PALM2AKAP2: variants seen among roughly 807,000 people sequenced by gnomAD.
PALM2AKAP2 encodes PALM2 and AKAP2 fusion.
PALM2AKAP2 carries 37 observed loss-of-function variants against 71.5 expected under a neutral mutation model. The ratio of observed to expected loss-of-function variants is 0.52; its 90% CI spans 0.40 to 0.68. PALM2AKAP2 has a LOEUF of 0.68. Ranked by LOEUF, PALM2AKAP2 falls within the 30% of genes least tolerant of loss-of-function variation. The pLI, the probability that PALM2AKAP2 is intolerant of heterozygous loss-of-function variation, is 0.00. For missense variants in PALM2AKAP2, 1,224 were observed against 1,191.8 expected (o/e 1.03, Z -0.40); for synonymous variants, 468 against 478.8 (o/e 0.98, Z 0.29).
chr9:109,955,516 A>C (rs1831730212), intron 6 of PALM2AKAP2, among the ~76,000 whole-genome samples: 1 of 152,236 alleles, frequency 6.6e-6, no homozygotes, highest in Admixed American at 6.5e-5. Context: ...CTTAGCAAAA[A>C]TAACAAGAGG....
intron 1 of PALM2AKAP2, among the ~76,000 whole-genome samples, chr9:109,773,999 A>G (rs541135494): frequency 6.6e-6 from 1 of 152,338 alleles, no homozygotes; most frequent in African/African-American, 2.4e-5. Flanking sequence ...TTCATTCCCC[A>G]GCCAGCAGGG....
At chr9:109,837,958 T>C (rs1377339722) in intron 1 of PALM2AKAP2, among the ~76,000 whole-genome samples, 1 of 152,062 alleles carries the variant, frequency 6.6e-6, no homozygotes, top group East Asian at 1.9e-4. Context: ...CTATCAACAT[T>C]AGACAGATAA....
chr9:110,032,060 G>GAAA (rs560993508), intron 7 of PALM2AKAP2, among the ~76,000 whole-genome samples: 9 of 119,372 alleles, frequency 7.5e-5, no homozygotes, highest in South Asian at 2.8e-4. Flanking sequence ...AGCTTACGGG[G>GAAA]AAAAAAAAAA....
intron 3 of PALM2AKAP2, among the ~76,000 whole-genome samples, chr9:110,168,084 G>A (rs1836779357): frequency 6.6e-6 from 1 of 152,160 alleles, no homozygotes. Context: ...CTGCGTGTAG[G>A]GATCTGCTTT....
chr9:109,822,624 T>G (rs1828039825), intron 1 of PALM2AKAP2, among the ~76,000 whole-genome samples: 1 of 152,158 alleles, frequency 6.6e-6, no homozygotes, highest in Non-Finnish European at 1.5e-5. Flanking sequence ...GAGAACATGT[T>G]GTGTTGGTTT....
chr9:109,689,843 C>A (rs867813450), intron 1 of PALM2AKAP2, among the ~76,000 whole-genome samples: 10 of 152,120 alleles, frequency 6.6e-5, no homozygotes, highest in Non-Finnish European at 1.5e-4. Flanking sequence ...GGCCAACTTC[C>A]GAGAGGAAGA....
At chr9:109,652,939 T>C (rs1440688740) in intron 1 of PALM2AKAP2, among the ~76,000 whole-genome samples, 1 of 152,212 alleles carries the variant, frequency 6.6e-6, no homozygotes, top group Admixed American at 6.5e-5. Flanking sequence ...TAAGATGAGG[T>C]CAAAATCCAA....
intron 2 of PALM2AKAP2, among the ~76,000 whole-genome samples, chr9:109,877,405 C>T (rs559448942): frequency 1.3e-5 from 2 of 152,194 alleles, no homozygotes; most frequent in Non-Finnish European, 2.9e-5. Context: ...GGATAAAGGA[C>T]AGTCCTAGCC....
chr9:110,137,078 C>T lies in PALM2AKAP2; in HGVS notation c.1108C>T (p.Gln370Ter). 1 of 1,613,430 alleles carries T rather than the reference C, an allele frequency of 6.2e-7. No individual in the cohort carries two copies. Residue 370 changes from glutamine (Q) to a stop codon, truncating the protein, a stop_gained, in exon 2 of 4, where the codon CAG (glutamine) becomes TAG (stop). Transcript: ENST00000374525. LOFTEE classifies it high-confidence loss of function. The stretch of plus-strand genomic sequence containing the variant: ...GGCACAGCAGGAACAGTTGCTGCTG[C>T]AGAAGCAGTTACAGCAGCAGCAGCA...
chr9:110,107,917 G>T (rs184485491), intron 1 of PALM2AKAP2, among the ~76,000 whole-genome samples: 1 of 152,268 alleles, frequency 6.6e-6, no homozygotes, highest in East Asian at 1.9e-4. Flanking sequence ...TATTGTGAAT[G>T]TAAGCACAGT....
chr9:109,974,510 C>G (rs1832133525), intron 6 of PALM2AKAP2, among the ~76,000 whole-genome samples: 1 of 151,994 alleles, frequency 6.6e-6, no homozygotes, highest in African/African-American at 2.4e-5. Context: ...GAAAGAGAAA[C>G]CCAGATTTGA....
At chr9:110,155,171 C>T (rs998848462) in intron 2 of PALM2AKAP2, among the ~76,000 whole-genome samples, 2 of 152,150 alleles carry the variant, frequency 1.3e-5, no homozygotes, top group Non-Finnish European at 2.9e-5. Context: ...AGGCAGTTGC[C>T]AAGTTAGAAG....
intron 1 of PALM2AKAP2, among the ~76,000 whole-genome samples, chr9:109,696,777 C>T (rs1411926027): frequency 6.6e-6 from 1 of 152,114 alleles, no homozygotes; most frequent in Non-Finnish European, 1.5e-5. Context: ...TCACCCTTCC[C>T]CAGAGAATTA....
At chr9:110,001,906 G>C (rs1282430599) in intron 6 of PALM2AKAP2, among the ~76,000 whole-genome samples, 2 of 152,190 alleles carry the variant, frequency 1.3e-5, no homozygotes, top group African/African-American at 4.8e-5. Context: ...AGCTTAAGGA[G>C]ATTTTGGGCT....
chr9:110,143,070 A>G (rs912884704), intron 2 of PALM2AKAP2, among the ~76,000 whole-genome samples: 1 of 149,236 alleles, frequency 6.7e-6, no homozygotes, highest in Non-Finnish European at 1.5e-5. Context: ...GTGAGGGGCC[A>G]TGCTCCCAAT....
At chr9:109,909,259 C>T (rs1325060465) in intron 3 of PALM2AKAP2, among the ~76,000 whole-genome samples, 1 of 152,186 alleles carries the variant, frequency 6.6e-6, no homozygotes, top group Non-Finnish European at 1.5e-5. Context: ...CCTTCTGCAT[C>T]CTCCTGCTTC....
chr9:109,788,592 G>A (rs578068773), intron 1 of PALM2AKAP2, among the ~76,000 whole-genome samples: 5 of 152,266 alleles, frequency 3.3e-5, no homozygotes, highest in African/African-American at 9.6e-5. Context: ...AACACACTTT[G>A]AAAACGACTG....
At chr9:110,141,126 C>T (rs772544904) in intron 2 of PALM2AKAP2, among the ~76,000 whole-genome samples, 1 of 152,168 alleles carries the variant, frequency 6.6e-6, no homozygotes, top group Non-Finnish European at 1.5e-5. Context: ...TCTCCTGATT[C>T]CCCCACCGGC....
At chr9:109,673,582 G>C (rs528828962) in intron 1 of PALM2AKAP2, among the ~76,000 whole-genome samples, 1 of 152,048 alleles carries the variant, frequency 6.6e-6, no homozygotes, top group Non-Finnish European at 1.5e-5. Flanking sequence ...GTTGTTTTTG[G>C]TTGAAGAGTT....
Sources: gnomAD v4.1 joint callset for allele counts (sites outside exome capture counted in the v4.1 genomes callset) on GRCh38, gnomAD v4.1.1 for gene constraint, MANE v1.5 for transcripts, NCBI Gene and HGNC (gene_info 2026-07-23, HGNC 2026-07-21) for gene names.